LUZP2: variants seen among roughly 807,000 people sequenced by gnomAD.
The protein encoded by LUZP2 is leucine zipper protein 2.
A neutral mutation model predicts 51.6 loss-of-function variants in LUZP2; 52 were observed. That is an observed-to-expected ratio of 1.01 (90% CI 0.81 to 1.27). The LOEUF (loss-of-function observed/expected upper bound fraction) is 1.27, where lower values mean the gene tolerates loss of function less well. Ranked by LOEUF, LUZP2 falls within the 50% of genes most tolerant of loss-of-function variation. The pLI is 0.00. For missense variants in LUZP2, 436 were observed against 395.4 expected (o/e 1.10, Z -0.87); for synonymous variants, 154 against 137.3 (o/e 1.12, Z -0.85).
chr11:24,785,265 C>G (rs765022323), intron 5 of LUZP2, among the ~76,000 whole-genome samples: 3 of 151,960 alleles, frequency 2.0e-5, no homozygotes, highest in Non-Finnish European at 2.9e-5. Context: ...ATCTACTACA[C>G]TAAGGAATTA....
chr11:25,065,216 G>A (rs549539629), intron 10 of LUZP2, among the ~76,000 whole-genome samples: 6 of 151,908 alleles, frequency 3.9e-5, no homozygotes, highest in Non-Finnish European at 7.4e-5. Context: ...TCTCTACCAT[G>A]TACCTAGGTC....
chr11:24,976,046 C>A (rs754152138), intron 7 of LUZP2, among the ~76,000 whole-genome samples: 2 of 151,950 alleles, frequency 1.3e-5, no homozygotes, highest in African/African-American at 2.4e-5. Context: ...CCTTCTCTGT[C>A]TGCCCTCACT....
At chr11:24,850,270 G>A (rs1428998685) in intron 5 of LUZP2, among the ~76,000 whole-genome samples, 2 of 152,182 alleles carry the variant, frequency 1.3e-5, no homozygotes, top group Admixed American at 6.5e-5. Flanking sequence ...TTATGTTTAA[G>A]TGTTTATTCC....
chr11:24,756,956 G>A (rs145306070), intron 4 of LUZP2, among the ~76,000 whole-genome samples: 5 of 152,238 alleles, frequency 3.3e-5, no homozygotes, highest in African/African-American at 1.2e-4. Flanking sequence ...TACAGAACTC[G>A]AGGAAACATC....
chr11:24,510,275 A>G (rs1850270576), intron 1 of LUZP2, among the ~76,000 whole-genome samples: 1 of 152,194 alleles, frequency 6.6e-6, no homozygotes, highest in South Asian at 2.1e-4. Context: ...ACCCATTTTT[A>G]TATTTGGAAG....
At chr11:24,658,990 A>G (rs1855916065) in intron 1 of LUZP2, among the ~76,000 whole-genome samples, 1 of 152,000 alleles carries the variant, frequency 6.6e-6, no homozygotes, top group Non-Finnish European at 1.5e-5. Flanking sequence ...AAACTAGTTC[A>G]ACCATTGTGG....
chr11:24,511,922 A>G (rs1304008516), intron 1 of LUZP2, among the ~76,000 whole-genome samples: 1 of 151,914 alleles, frequency 6.6e-6, no homozygotes. Flanking sequence ...CTGTGATAAT[A>G]TGCACTAGTA....
At chr11:24,996,857 G>C (rs1362906921) in intron 9 of LUZP2, among the ~76,000 whole-genome samples, 1 of 151,834 alleles carries the variant, frequency 6.6e-6, no homozygotes, top group Non-Finnish European at 1.5e-5. Flanking sequence ...CTATCAGTAA[G>C]AATATGCGGT....
intron 11 of LUZP2, among the ~76,000 whole-genome samples, chr11:25,078,165 A>G (rs1859369473): frequency 6.6e-6 from 1 of 152,164 alleles, no homozygotes; most frequent in African/African-American, 2.4e-5. Flanking sequence ...TTAATTCTGA[A>G]TTTTTATTTG....
chr11:24,920,229 G>T (rs1472653790), intron 7 of LUZP2, among the ~76,000 whole-genome samples: 1 of 151,848 alleles, frequency 6.6e-6, no homozygotes, highest in Non-Finnish European at 1.5e-5. Flanking sequence ...GTTGTTTATT[G>T]AATAAAAACA....
chr11:25,075,860 C>A (rs1039452882), intron 10 of LUZP2, among the ~76,000 whole-genome samples: 9 of 151,964 alleles, frequency 5.9e-5, no homozygotes, highest in Admixed American at 5.2e-4. Context: ...CTACTATAAA[C>A]CTTTTTATTT....
At chr11:25,063,132 C>A (rs1188975147) in intron 10 of LUZP2, among the ~76,000 whole-genome samples, 1 of 151,514 alleles carries the variant, frequency 6.6e-6, no homozygotes, top group Non-Finnish European at 1.5e-5. Flanking sequence ...GGAAAACATA[C>A]AACAGAAAAT....
intron 1 of LUZP2, among the ~76,000 whole-genome samples, chr11:24,704,014 C>G (rs1264802384): frequency 6.6e-6 from 1 of 152,168 alleles, no homozygotes; most frequent in Non-Finnish European, 1.5e-5. Flanking sequence ...TCTAAACCAA[C>G]TGACATATTA....
intron 1 of LUZP2, among the ~76,000 whole-genome samples, chr11:24,511,108 A>G (rs192275636): frequency 6.6e-6 from 1 of 152,252 alleles, no homozygotes; most frequent in Non-Finnish European, 1.5e-5. Context: ...TTCAGGTAAG[A>G]ATATATTGGA....
Position 24,612,255 on chromosome 11 carries a change from A to G in LUZP2, c.62+114950A>G, listed in dbSNP as rs115775411. 4.5e-3 allele frequency among the ~76,000 whole-genome samples: 691 copies of G among 152,308 alleles called. 6 individuals carry two copies. The highest frequency in any genetic ancestry group is 0.014 in the African/African-American group (594 of 41,594). On this transcript the variant is annotated intron_variant, in intron 1 of 11. Transcript: ENST00000336930. Reference sequence around the variant, plus strand: ...TGGACAAATTAGTGATGGGGTCACTATCAGAGATAGAAAATGCAGTGGAGG... The same window carrying G: ...TGGACAAATTAGTGATGGGGTCACTGTCAGAGATAGAAAATGCAGTGGAGG...
intron 1 of LUZP2, among the ~76,000 whole-genome samples, chr11:24,582,764 T>C (rs558582513): frequency 3.3e-4 from 50 of 151,186 alleles, no homozygotes; most frequent in African/African-American, 1.1e-3. Flanking sequence ...TTTGTTTTTG[T>C]TTTTTTTGAC....
Position 24,949,633 on chromosome 11 carries a change from C to T in LUZP2, c.523-26958C>T, listed in dbSNP as rs150337113. On this transcript the variant is annotated intron_variant, in intron 7 of 11. Transcript: ENST00000336930. ...ATACAAACTGTACTGTGTGCTTCCT[C>T]AGAGGCAGCGGTTCGTAATACTGGA... Among the ~76,000 whole-genome samples, 904 of 151,628 alleles carry T rather than the reference C, an allele frequency of 6.0e-3. 7 individuals carry two copies. The highest frequency in any genetic ancestry group is 0.036 in the South Asian group (173 of 4,824).
At position 24,795,173 on chromosome 11, in the gene LUZP2, TA is replaced by T. The variant is rs568695902; in HGVS notation, c.396+31869del. Among the ~76,000 whole-genome samples, 399 of 152,316 alleles carry T rather than the reference TA, an allele frequency of 2.6e-3. 2 individuals carry two copies. Among genetic ancestry groups the T allele is most frequent in the African/African-American group, 9.1e-3 (379 of 41,576 alleles). ...TGGACAATATACATGGTTTATTGAT[TA>T]AAACATCATTATTAATGACCTTTTT... is the stretch of plus-strand genomic sequence containing the variant. On this transcript the variant is annotated intron_variant, in intron 5 of 11. Coordinates refer to ENST00000336930, the MANE Select transcript of LUZP2 (RefSeq NM_001009909.4).
intron 7 of LUZP2, among the ~76,000 whole-genome samples, chr11:24,939,576 A>C (rs963689818): frequency 6.6e-6 from 1 of 152,166 alleles, no homozygotes; most frequent in Non-Finnish European, 1.5e-5. Context: ...AGGGAGAAAA[A>C]AATCCAGTGA....
Sources: allele counts gnomAD v4.1 joint callset (sites outside exome capture counted in the v4.1 genomes callset), GRCh38; gene constraint gnomAD v4.1.1; transcripts MANE v1.5; gene names NCBI Gene and HGNC (gene_info 2026-07-23, HGNC 2026-07-21).